The following ADGRL3 variants were observed in gnomAD, a reference collection of about 807,000 sequenced individuals.
The protein encoded by ADGRL3 is adhesion G protein-coupled receptor L3.
Under a neutral mutation model 153.5 loss-of-function variants are expected in ADGRL3, and 62 were observed. The ratio of observed to expected loss-of-function variants is 0.40; its 90% CI spans 0.33 to 0.50. ADGRL3 has a LOEUF of 0.50. ADGRL3 is among the 20% of genes least tolerant of loss of function. The probability of loss-of-function intolerance (pLI) is 0.47; values close to 1 mark genes in which losing one functional copy is unlikely to be tolerated. For synonymous variants in ADGRL3, 710 were observed against 672.5 expected (o/e 1.06, Z -0.86); for missense variants, 1,641 against 1,859.4 (o/e 0.88, Z 2.16).
At chr4:61,976,159 G>C (rs2099047242) in intron 17 of ADGRL3, among the ~76,000 whole-genome samples, 1 of 152,046 alleles carries the variant, frequency 6.6e-6, no homozygotes, top group Non-Finnish European at 1.5e-5. Context: ...CTGCTCTCAA[G>C]GTACATAATG....
At chr4:61,917,362 G>A (rs758773937) in intron 13 of ADGRL3, among the ~76,000 whole-genome samples, 4 of 152,142 alleles carry the variant, frequency 2.6e-5, no homozygotes, top group Non-Finnish European at 5.9e-5. Context: ...TTTTGAGACA[G>A]AGGTAAAATG....
intron 4 of ADGRL3, among the ~76,000 whole-genome samples, chr4:61,529,329 C>A (rs1218563289): frequency 2.7e-4 from 41 of 152,108 alleles, no homozygotes; most frequent in Non-Finnish European, 1.5e-4. Context: ...TTTTAACCTA[C>A]AGCAGACTGG....
rs932149877 is a variant in ADGRL3, at chr4:61,959,932, CTAATACTTTAGTA to C, written c.2805+11673_2805+11685del. Reference sequence around the variant, plus strand: ...TGGAGGTGGAGATTAAAAATCATAGCTAATACTTTAGTATAATACTTTAGTATAAATAGTACTT... The same window carrying C: ...TGGAGGTGGAGATTAAAAATCATAGCTAATACTTTAGTATAAATAGTACTT... On this transcript the variant is annotated intron_variant, in intron 17 of 26. Coordinates refer to ENST00000683033, the MANE Select transcript of ADGRL3 (RefSeq NM_001387552.1). Among the ~76,000 whole-genome samples, 29 of 152,122 alleles carry C rather than the reference CTAATACTTTAGTA, an allele frequency of 1.9e-4. 1 individual carries two copies. Among genetic ancestry groups the C allele is most frequent in the Admixed American group, 7.9e-4 (12 of 15,278 alleles).
intron 8 of ADGRL3, among the ~76,000 whole-genome samples, chr4:61,755,226 G>A (rs1389836865): frequency 1.3e-5 from 2 of 152,022 alleles, no homozygotes; most frequent in East Asian, 3.9e-4. Context: ...CTAGTTTACA[G>A]TCCCACCAAC....
chr4:61,345,585 C>T (rs1245752005), intron 1 of ADGRL3, among the ~76,000 whole-genome samples: 1 of 152,074 alleles, frequency 6.6e-6, no homozygotes, highest in Non-Finnish European at 1.5e-5. Flanking sequence ...AAACTATGGT[C>T]CATGTACAAG....
At chr4:61,288,616 G>T (rs1319229651) in intron 1 of ADGRL3, among the ~76,000 whole-genome samples, 1 of 151,954 alleles carries the variant, frequency 6.6e-6, no homozygotes, top group Admixed American at 6.6e-5. Context: ...TACAAGACAG[G>T]GTGGTAAATG....
At chr4:61,631,611 A>G (rs912211531) in intron 5 of ADGRL3, among the ~76,000 whole-genome samples, 1 of 152,148 alleles carries the variant, frequency 6.6e-6, no homozygotes, top group Non-Finnish European at 1.5e-5. Flanking sequence ...CCGTTAAAAT[A>G]ATTATTACAA....
chr4:61,319,542 C>G (rs979429570), intron 1 of ADGRL3, among the ~76,000 whole-genome samples: 1 of 152,114 alleles, frequency 6.6e-6, no homozygotes, highest in African/African-American at 2.4e-5. Context: ...AGTTGATGAG[C>G]AGATCTGAAT....
chr4:61,352,127 C>T (rs1578391102), intron 1 of ADGRL3, among the ~76,000 whole-genome samples: 1 of 152,068 alleles, frequency 6.6e-6, no homozygotes, highest in Non-Finnish European at 1.5e-5. Flanking sequence ...TTGAGTCCAA[C>T]CCTCATGGAT....
chr4:61,371,978 A>G (rs969431170), intron 1 of ADGRL3, among the ~76,000 whole-genome samples: 5 of 151,826 alleles, frequency 3.3e-5, no homozygotes, highest in African/African-American at 1.2e-4. Flanking sequence ...CATTTCATTC[A>G]TTTCATCTTC....
chr4:61,790,311 C>T (rs2097326465), intron 8 of ADGRL3, among the ~76,000 whole-genome samples: 1 of 152,092 alleles, frequency 6.6e-6, no homozygotes, highest in African/African-American at 2.4e-5. Flanking sequence ...CACACAACTC[C>T]TTTGGCAATG....
intron 1 of ADGRL3, among the ~76,000 whole-genome samples, chr4:61,263,410 C>T (rs1408247612): frequency 6.7e-6 from 1 of 148,842 alleles, no homozygotes; most frequent in Admixed American, 6.7e-5. Flanking sequence ...TCAGTATGAG[C>T]TGTAATTGAA....
chr4:61,448,458 A>G (rs1423194032), intron 2 of ADGRL3, among the ~76,000 whole-genome samples: 2 of 152,104 alleles, frequency 1.3e-5, no homozygotes, highest in African/African-American at 4.8e-5. Context: ...TAGTTACTTT[A>G]CCTATCTGTG....
chr4:62,070,876 A>G lies in ADGRL3; in HGVS notation c.4600A>G (p.Lys1534Glu). ...TGGGACCCCTCCCGAGGGAAGTTCA[A>G]AAGGACCGGCTCATTTGGTCACTAG... is the stretch of plus-strand genomic sequence containing the variant. ...KDGTPPEGSSKGPAHLVTSL is the reference protein window; with the variant it reads ...KDGTPPEGSSEGPAHLVTSL The change falls in exon 27 of 27, where the codon AAA becomes GAA. Residue 1534 changes from lysine to glutamate, a missense_variant. Transcript: ENST00000683033. 2 of 1,551,104 alleles carry G rather than the reference A, an allele frequency of 1.3e-6. No individual in the cohort carries two copies. Among genetic ancestry groups the G allele is most frequent in the Non-Finnish European group, 1.7e-6 (2 of 1,146,634 alleles).
At chr4:61,287,450 GA>G (rs1227407037) in intron 1 of ADGRL3, among the ~76,000 whole-genome samples, 3 of 151,698 alleles carry the variant, frequency 2.0e-5, no homozygotes, top group Non-Finnish European at 2.9e-5. Flanking sequence ...TTACCTAAAT[GA>G]AAAAAAGTGT....
intron 8 of ADGRL3, among the ~76,000 whole-genome samples, chr4:61,755,364 G>T (rs965848897): frequency 1.3e-5 from 2 of 152,132 alleles, no homozygotes; most frequent in Non-Finnish European, 2.9e-5. Context: ...TTTCTCTGAT[G>T]GCCAGTGATG....
chr4:61,875,501 A>G (rs1387473202), intron 9 of ADGRL3, among the ~76,000 whole-genome samples: 1 of 152,208 alleles, frequency 6.6e-6, no homozygotes, highest in Non-Finnish European at 1.5e-5. Context: ...TACTTTTAGT[A>G]TAAGCTGAAT....
intron 13 of ADGRL3, among the ~76,000 whole-genome samples, chr4:61,932,682 T>C (rs2098822512): frequency 6.6e-6 from 1 of 152,154 alleles, no homozygotes; most frequent in Non-Finnish European, 1.5e-5. Flanking sequence ...GCTAGCCTCA[T>C]AAAAAGGTGT....
At position 61,621,687 on chromosome 4, in the gene ADGRL3, T is replaced by G. The variant is rs143682316; in HGVS notation, c.473+34247T>G. Reference sequence around the variant, plus strand: ...TTTTTTCCTCAGTAGGCTTATTTAGTTCTTCTAAACAGCTAATTTTCCTTT... The same window carrying G: ...TTTTTTCCTCAGTAGGCTTATTTAGGTCTTCTAAACAGCTAATTTTCCTTT... On this transcript the variant is annotated intron_variant, in intron 5 of 26. Transcript: ENST00000683033. Among the ~76,000 whole-genome samples the G allele has an allele frequency of 1.1e-3, 171 of 152,232 alleles. 2 individuals are homozygous for G. The East Asian group carries it at 0.03, about 27-fold the overall frequency.
Sources: gnomAD v4.1 joint callset for allele counts (sites outside exome capture counted in the v4.1 genomes callset) on GRCh38, gnomAD v4.1.1 for gene constraint, MANE v1.5 for transcripts, NCBI Gene and HGNC (gene_info 2026-07-23, HGNC 2026-07-21) for gene names.